Variants in DGKB observed in about 807,000 individuals in gnomAD.
The protein encoded by DGKB is 90 kDa diacylglycerol kinase.
DGKB carries 67 observed loss-of-function variants against 114.3 expected under a neutral mutation model. That is an observed-to-expected ratio of 0.59 (90% confidence interval 0.48 to 0.72). DGKB has a LOEUF of 0.72. DGKB is among the 30% of genes least tolerant of loss of function. DGKB has a pLI of 0.00. For synonymous variants in DGKB, 398 were observed against 323.1 expected, an observed-to-expected ratio of 1.23 and a Z score of -2.49; for missense variants, 907 against 975.2, an observed-to-expected ratio of 0.93 and a Z score of 0.93.
At chr7:14,221,852 G>A (rs1474673661) in intron 23 of DGKB, among the ~76,000 whole-genome samples, 3 of 151,328 alleles carry the variant, frequency 2.0e-5, no homozygotes, top group Admixed American at 2.0e-4. Flanking sequence ...TATCAATTCA[G>A]ATTGAGTCCA....
At chr7:14,826,689 T>C (rs527636747) in intron 2 of DGKB, among the ~76,000 whole-genome samples, 1 of 152,260 alleles carries the variant, frequency 6.6e-6, no homozygotes, top group Non-Finnish European at 1.5e-5. Flanking sequence ...ATTATTGAAC[T>C]TCTCTGGGCT....
chr7:14,606,964 T>C (rs1310766762), intron 17 of DGKB, among the ~76,000 whole-genome samples: 1 of 152,086 alleles, frequency 6.6e-6, no homozygotes, highest in Non-Finnish European at 1.5e-5. Flanking sequence ...ACCTTGGCAA[T>C]GACCTTAAGC....
chr7:14,369,289 A>G (rs1466305977), intron 21 of DGKB, among the ~76,000 whole-genome samples: 1 of 152,070 alleles, frequency 6.6e-6, no homozygotes, highest in Non-Finnish European at 1.5e-5. Flanking sequence ...CATGGTGTAT[A>G]TGGGCCATAT....
intron 5 of DGKB, among the ~76,000 whole-genome samples, chr7:14,734,351 A>G (rs1831392396): frequency 6.6e-6 from 1 of 151,970 alleles, no homozygotes; most frequent in African/African-American, 2.4e-5. Context: ...TATACCAACA[A>G]TTCTATATTC....
At chr7:14,562,559 G>A (rs1350965584) in intron 20 of DGKB, among the ~76,000 whole-genome samples, 2 of 152,224 alleles carry the variant, frequency 1.3e-5, no homozygotes, top group African/African-American at 4.8e-5. Flanking sequence ...GGCCATGGAA[G>A]CCTATCTTTT....
chr7:14,394,108 G>T (rs940658516), intron 21 of DGKB, among the ~76,000 whole-genome samples: 10 of 152,088 alleles, frequency 6.6e-5, no homozygotes, highest in African/African-American at 2.4e-4. Context: ...GATCAATTAG[G>T]TCATTTAGCT....
At chr7:14,825,734 A>T (rs1845620197) in intron 2 of DGKB, among the ~76,000 whole-genome samples, 1 of 152,264 alleles carries the variant, frequency 6.6e-6, no homozygotes, top group Admixed American at 6.5e-5. Context: ...CCTGTTTTAG[A>T]TCAACTAAGC....
intron 22 of DGKB, 70 bp from the exon 23 acceptor site, chr7:14,338,780 T>C: frequency 1.9e-6 from 2 of 1,026,696 alleles, no homozygotes; most frequent in Non-Finnish European, 2.6e-6. Context: ...TTGTTTTTCA[T>C]TTCCTCATCT....
At chr7:14,936,463 C>T (rs1785275235) in intron 1 of DGKB, among the ~76,000 whole-genome samples, 1 of 152,130 alleles carries the variant, frequency 6.6e-6, no homozygotes, top group Non-Finnish European at 1.5e-5. Flanking sequence ...GTAGGAGGAA[C>T]TCATATAGCG....
chr7:14,938,290 G>C (rs1587418404), intron 1 of DGKB, among the ~76,000 whole-genome samples: 1 of 152,106 alleles, frequency 6.6e-6, no homozygotes, highest in Non-Finnish European at 1.5e-5. Context: ...TAATTTTAAA[G>C]GTGGTATCTA....
chr7:14,534,451 CA>C (rs1416498618), intron 20 of DGKB, among the ~76,000 whole-genome samples: 1 of 151,924 alleles, frequency 6.6e-6, no homozygotes, highest in African/African-American at 2.4e-5. Flanking sequence ...AAACCTTAGC[CA>C]ACAATATTCA....
At chr7:14,204,705 C>G (rs1013420454) in intron 23 of DGKB, among the ~76,000 whole-genome samples, 2 of 151,938 alleles carry the variant, frequency 1.3e-5, no homozygotes, top group Non-Finnish European at 2.9e-5. Flanking sequence ...ACAAAATAGC[C>G]AAGACCTGTG....
At chr7:14,904,215 T>C, upstream of DGKB, among the ~76,000 whole-genome samples, 1 of 130,876 alleles carries the variant, frequency 7.6e-6, no homozygotes, top group African/African-American at 3.0e-5. Flanking sequence ...CAACCCCTCC[T>C]AAATACACAC....
intron 17 of DGKB, among the ~76,000 whole-genome samples, chr7:14,603,713 G>C (rs1803979579): frequency 6.6e-6 from 1 of 152,068 alleles, no homozygotes; most frequent in Non-Finnish European, 1.5e-5. Context: ...AGATTTCTAA[G>C]AGCAGCTTTC....
chr7:14,265,647 A>G (rs1797401446), intron 23 of DGKB, among the ~76,000 whole-genome samples: 1 of 152,118 alleles, frequency 6.6e-6, no homozygotes, highest in Non-Finnish European at 1.5e-5. Context: ...AAGCTATGGT[A>G]TAACTACCTG....
chr7:14,535,741 C>A (rs1792369267), intron 20 of DGKB, among the ~76,000 whole-genome samples: 1 of 152,080 alleles, frequency 6.6e-6, no homozygotes. Flanking sequence ...GCACCCGCCA[C>A]CACGCCCAGC....
At chr7:14,613,577 G>A (rs552594881) in intron 15 of DGKB, among the ~76,000 whole-genome samples, 164 bp from the exon 16 acceptor site, 136 of 78,170 alleles carry the variant, frequency 1.7e-3, no homozygotes, top group African/African-American at 4.6e-3. Flanking sequence ...GTGTGTGTGC[G>A]TGTGTATGTG....
At chr7:14,326,356 C>CA (rs905235090) in intron 23 of DGKB, among the ~76,000 whole-genome samples, 3 of 151,512 alleles carry the variant, frequency 2.0e-5, no homozygotes, top group Admixed American at 6.6e-5. Context: ...GATTGAAAAC[C>CA]AAAAAAATGA....
chr7:14,531,582 T>C (rs990000843), intron 20 of DGKB, among the ~76,000 whole-genome samples: 3 of 151,538 alleles, frequency 2.0e-5, no homozygotes, highest in South Asian at 4.1e-4. Flanking sequence ...ACAGTTTATG[T>C]TCATAGATTG....
Sources: allele counts gnomAD v4.1 joint callset (sites outside exome capture counted in the v4.1 genomes callset), GRCh38; gene constraint gnomAD v4.1.1; transcripts MANE v1.5; gene names NCBI Gene and HGNC (gene_info 2026-07-23, HGNC 2026-07-21).